The following CNBD2 variants were observed in gnomAD, a reference collection of about 807,000 sequenced individuals.
CNBD2 encodes the protein cyclic nucleotide binding domain containing 2.
CNBD2 carries 64 observed loss-of-function variants against 63.7 expected under a neutral mutation model. That is an observed-to-expected ratio of 1.00 (90% CI 0.82 to 1.24). The LOEUF (loss-of-function observed/expected upper bound fraction) is 1.24, where lower values mean the gene tolerates loss of function less well. Among genes scored for constraint, CNBD2 ranks in the 50% most tolerant of loss-of-function variants. The pLI, the probability that CNBD2 is intolerant of heterozygous loss-of-function variation, is 0.00. For missense variants in CNBD2, 691 were observed against 713.5 expected (o/e 0.97, Z 0.36); for synonymous variants, 229 against 255.4 (o/e 0.90, Z 0.99).
rs553581625 is a variant in CNBD2, at chr20:36,007,189, A to AAAATAAATAAATAAATAAAT, written c.971-1097_971-1078dup. On this transcript the variant is annotated intron_variant, in intron 8 of 11. Transcript: ENST00000373973. ...GGGCGACAGAGTGAGAATCCTCTCA[A>AAAATAAATAAATAAATAAAT]AAATAAATAAATAAATAAATAAATA... 2.6e-3 allele frequency among the ~76,000 whole-genome samples: 394 copies of AAAATAAATAAATAAATAAAT among 151,716 alleles called. 2 individuals are homozygous for AAAATAAATAAATAAATAAAT. The highest frequency in any genetic ancestry group is 9.3e-3 in the African/African-American group (381 of 41,100).
chr20:36,002,341 G>A (rs897396521), intron 8 of CNBD2, among the ~76,000 whole-genome samples: 1 of 152,270 alleles, frequency 6.6e-6, no homozygotes, highest in Non-Finnish European at 1.5e-5. Flanking sequence ...AGCCGAGATG[G>A]CAGCAGTACA....
rs1347305470 is a variant in CNBD2, at chr20:35,980,449, C to T, written c.244-10C>T. Reference sequence around the variant, plus strand: ...GGGTCCCCTGTATCACTCTGGTCCTCTCTCCCCAGGGTCACTTTCCTCCAA... The same window carrying T: ...GGGTCCCCTGTATCACTCTGGTCCTTTCTCCCCAGGGTCACTTTCCTCCAA... On this transcript the variant is annotated splice_polypyrimidine_tract_variant and intron_variant, in intron 3 of 11. Coordinates refer to ENST00000373973, the MANE Select transcript of CNBD2 (RefSeq NM_001365709.1). 5.6e-6 allele frequency: 9 copies of T among 1,613,838 alleles called. No individual in the cohort carries two copies. The highest frequency in any genetic ancestry group is 1.3e-5 in the African/African-American group (1 of 74,918).
intron 8 of CNBD2, among the ~76,000 whole-genome samples, chr20:36,006,152 T>C (rs2147312662): frequency 6.7e-6 from 1 of 149,972 alleles, no homozygotes; most frequent in South Asian, 2.1e-4. Context: ...CCTCAGCCTC[T>C]GGAGTAGCTG....
chr20:35,957,900 C>T (rs2056272122), downstream of CNBD2: 1 of 152,176 alleles, frequency 6.6e-6, no homozygotes. Context: ...TCTCATATCA[C>T]TTAGCTTCCA....
intron 10 of CNBD2, among the ~76,000 whole-genome samples, chr20:36,017,903 T>C (rs1276030148): frequency 6.6e-6 from 1 of 152,210 alleles, no homozygotes; most frequent in Non-Finnish European, 1.5e-5. Context: ...GCCTCCATAG[T>C]GATCAGCTCA....
At chr20:35,964,477 G>C (rs1233911930), upstream of CNBD2, among the ~76,000 whole-genome samples, 1 of 151,944 alleles carries the variant, frequency 6.6e-6, no homozygotes. Flanking sequence ...TGCAGCCTCT[G>C]CCTCCTGGGT....
chr20:36,006,107 C>A (rs1371631910), intron 8 of CNBD2, among the ~76,000 whole-genome samples: 1 of 151,188 alleles, frequency 6.6e-6, no homozygotes, highest in Non-Finnish European at 1.5e-5. Flanking sequence ...TGGCTCCCTG[C>A]AACCTCTGCC....
chr20:36,027,836 G>C (rs555425483), intron 11 of CNBD2, among the ~76,000 whole-genome samples: 1 of 152,090 alleles, frequency 6.6e-6, no homozygotes, highest in Non-Finnish European at 1.5e-5. Context: ...CACCACACCT[G>C]ACTACTTTTA....
At chr20:35,954,601 C>G, upstream of CNBD2, 1 of 1,392,454 alleles carries the variant, frequency 7.2e-7, no homozygotes, top group Non-Finnish European at 9.5e-7. Flanking sequence ...GCTGCCCTCG[C>G]GGTGCGGGAG....
chr20:35,981,838 C>G (rs1746513941), intron 4 of CNBD2, among the ~76,000 whole-genome samples: 1 of 152,188 alleles, frequency 6.6e-6, no homozygotes, highest in African/African-American at 2.4e-5. Context: ...TGACTCCAGC[C>G]TGGTGTGGTC....
chr20:35,969,778 C>T (rs1451119927), intron 1 of CNBD2, among the ~76,000 whole-genome samples: 1 of 152,154 alleles, frequency 6.6e-6, no homozygotes, highest in Non-Finnish European at 1.5e-5. Context: ...ACCCTCATGG[C>T]TATCCCCTTG....
intron 8 of CNBD2, among the ~76,000 whole-genome samples, chr20:35,999,280 T>G (rs2056866372): frequency 6.6e-6 from 1 of 152,206 alleles, no homozygotes; most frequent in Non-Finnish European, 1.5e-5. Context: ...AGATGCCTAA[T>G]CATTGACATT....
At chr20:35,960,697 TCTTCC>T (rs1366207613) in intron 2 of CNBD2, among the ~76,000 whole-genome samples, 1 of 598 alleles carries the variant, frequency 1.7e-3, no homozygotes, top group African/African-American at 0.013. Context: ...ACTCCTCTTC[TCTTCC>T]CTTCTCTTCC....
intron 8 of CNBD2, among the ~76,000 whole-genome samples, chr20:36,004,387 C>A (rs977712274): frequency 1.3e-5 from 2 of 152,276 alleles, no homozygotes; most frequent in South Asian, 2.1e-4. Flanking sequence ...GCCTTGCCCT[C>A]CCCTGACTAT....
upstream of CNBD2, chr20:35,954,429 G>C (rs41293096): frequency 1.9e-6 from 3 of 1,550,364 alleles, no homozygotes; most frequent in Non-Finnish European, 2.6e-6. Context: ...GGGACCGGCC[G>C]AGAGTGTGCG....
chr20:35,984,161 G>C (rs1052296905), intron 5 of CNBD2, 23 bp downstream of exon 5: 2 of 1,574,146 alleles, frequency 1.3e-6, no homozygotes, highest in Non-Finnish European at 1.7e-6. Flanking sequence ...GAAGGACCCA[G>C]TTTCCTGGGG....
At chr20:35,992,171 G>A (rs1408365106) in intron 7 of CNBD2, among the ~76,000 whole-genome samples, 2 of 152,152 alleles carry the variant, frequency 1.3e-5, no homozygotes, top group Non-Finnish European at 2.9e-5. Flanking sequence ...ATGAACCACC[G>A]CGCCTGGCGG....
intron 8 of CNBD2, among the ~76,000 whole-genome samples, chr20:35,997,899 A>G (rs1281803692): frequency 1.3e-5 from 2 of 152,200 alleles, no homozygotes; most frequent in Non-Finnish European, 1.5e-5. Context: ...TGTATTTTCA[A>G]TGTTATTCAG....
intron 6 of CNBD2, among the ~76,000 whole-genome samples, chr20:35,986,437 C>T (rs1488057176): frequency 6.6e-6 from 1 of 152,106 alleles, no homozygotes; most frequent in Non-Finnish European, 1.5e-5. Flanking sequence ...GTGTTTTAGC[C>T]TCCTGCTCTG....
Sources: gnomAD v4.1 joint callset for allele counts (sites outside exome capture counted in the v4.1 genomes callset) on GRCh38, gnomAD v4.1.1 for gene constraint, MANE v1.5 for transcripts, NCBI Gene and HGNC (gene_info 2026-07-23, HGNC 2026-07-21) for gene names.